MYO9B: variants seen among roughly 807,000 people sequenced by gnomAD.
The protein encoded by MYO9B is unconventional myosin-IXb.
Under a neutral mutation model 229.5 loss-of-function variants are expected in MYO9B, and 71 were observed. That is an observed-to-expected ratio of 0.31 (90% CI 0.26 to 0.38). The LOEUF is 0.38. Among genes scored for constraint, MYO9B ranks in the 10% least tolerant of loss-of-function variants. The pLI is 1.00. For missense variants in MYO9B, 2,255 were observed against 2,920.5 expected, an observed-to-expected ratio of 0.77 and a Z score of 5.25; for synonymous variants, 1,185 against 1,235.8, an observed-to-expected ratio of 0.96 and a Z score of 0.86.
intron 14 of MYO9B, among the ~76,000 whole-genome samples, chr19:17,180,341 ATTTTTTTTTTT>A (rs776734202): frequency 1.1e-5 from 1 of 87,984 alleles, no homozygotes; most frequent in East Asian, 3.2e-4. Context: ...GATGGAAATA[ATTTTTTTTTTT>A]TTTTTTTTTT....
chr19:17,180,392 A>G (rs1177489400), intron 14 of MYO9B, among the ~76,000 whole-genome samples: 1 of 109,464 alleles, frequency 9.1e-6, no homozygotes, highest in Non-Finnish European at 1.7e-5. Context: ...TCTGTCTCCC[A>G]GGCTGGAGTG....
Position 17,206,258 on chromosome 19 carries a change from A to G in MYO9B, c.5268A>G (p.Ala1756=), listed in dbSNP as rs772806348. 8 of 774,886 alleles carry G rather than the reference A, an allele frequency of 1.0e-5. No homozygotes were observed. The highest frequency in any genetic ancestry group is 1.5e-5 in the Non-Finnish European group (8 of 516,564). The allele number at this position is 774,886 out of a possible 1,614,324, so 48.0% of individuals were successfully genotyped here. The change falls in exon 33 of 40, where the codon GCA becomes GCG. Residue 1756 remains alanine, a synonymous_variant. Transcript: ENST00000682292. ...CCACCCACCCCACAGACCCCGCAGC[A>G]GTCAAGCTGGAGAACTTCCCCATCC... The part of the protein sequence containing the change: ...LRQALQTDPA[A]VKLENFPIHA...
chr19:17,172,936 CGGGCCGAGA>C lies in MYO9B; in HGVS notation c.2121_2129del (p.Arg708_Glu710del), dbSNP rs1316137415. The C allele has an allele frequency of 1.3e-6, 2 of 1,598,618 alleles. No homozygotes were observed. Among genetic ancestry groups the C allele is most frequent in the African/African-American group, 1.3e-5 (1 of 74,914 alleles). ...AGTGCTTCGGGAGGCCGGACGCCTG[CGGGCCGAGA>C]GGGCCGAAAAGGCTGCAGGTGGGAG... is the stretch of plus-strand genomic sequence containing the variant. On this transcript the variant is annotated inframe_deletion, in exon 13 of 40. Coordinates refer to ENST00000682292, the MANE Select transcript of MYO9B (RefSeq NM_004145.4). This position sits in a 1 kb window ranked among gnomAD's most constrained non-coding sequence, Gnocchi z 8.2.
intron 1 of MYO9B, among the ~76,000 whole-genome samples, chr19:17,099,796 T>G (rs1599321585): frequency 1.3e-4 from 13 of 98,350 alleles, no homozygotes; most frequent in African/African-American, 2.1e-4. Flanking sequence ...CCGGCCTGGG[T>G]GAAAAAGCGA....
chr19:17,154,388 T>C lies in MYO9B; in HGVS notation c.1172T>C (p.Val391Ala). Reference sequence around the variant, plus strand: ...AGGCTCAAGCAGGCCATGGAGATGGTGGGCTTCCTCCCCGCCACCAAGAAG... The same window carrying C: ...AGGCTCAAGCAGGCCATGGAGATGGCGGGCTTCCTCCCCGCCACCAAGAAG... ...FERLKQAMEMVGFLPATKKQI... is the reference protein window; with the variant it reads ...FERLKQAMEMAGFLPATKKQI... Residue 391 changes from valine to alanine, a missense_variant, in exon 6 of 40, where the codon GTG becomes GCG. By Grantham distance (64) the Val-to-Ala change is moderately conservative. Coordinates refer to ENST00000682292, the MANE Select transcript of MYO9B (RefSeq NM_004145.4). 6.2e-7 allele frequency: 1 copy of C among 1,612,550 alleles called. No individual in the cohort carries two copies. The highest frequency in any genetic ancestry group is 8.5e-7 in the Non-Finnish European group (1 of 1,178,914).
At chr19:17,194,473 G>T in intron 21 of MYO9B, 83 bp from the exon 22 acceptor site, 1 of 1,496,520 alleles carries the variant, frequency 6.7e-7, no homozygotes, top group Non-Finnish European at 9.1e-7. Flanking sequence ...GCAGCCCGCA[G>T]GCTGGGGGTC....
chr19:17,119,090 C>T (rs1008410899), intron 2 of MYO9B, among the ~76,000 whole-genome samples: 2 of 152,198 alleles, frequency 1.3e-5, no homozygotes, highest in Non-Finnish European at 2.9e-5. Flanking sequence ...GCAGGCTTGG[C>T]TGCCTGCATG....
At chr19:17,176,163 G>A (rs568555810) in intron 14 of MYO9B, among the ~76,000 whole-genome samples, 16 of 152,228 alleles carry the variant, frequency 1.1e-4, no homozygotes, top group African/African-American at 3.6e-4. Flanking sequence ...CGGAGTAGCT[G>A]GGACTACAGG....
At chr19:17,181,885 C>T (rs764175134) in intron 15 of MYO9B, among the ~76,000 whole-genome samples, 2 of 152,012 alleles carry the variant, frequency 1.3e-5, no homozygotes, top group African/African-American at 2.4e-5. Flanking sequence ...AAGCGATTCT[C>T]CCACCTCAGC....
At chr19:17,184,249 C>T (rs369961522) in intron 16 of MYO9B, among the ~76,000 whole-genome samples, 4 of 152,178 alleles carry the variant, frequency 2.6e-5, no homozygotes, top group African/African-American at 9.7e-5. Context: ...GTAATGGGAC[C>T]CTTCCGTTTA....
intron 1 of MYO9B, among the ~76,000 whole-genome samples, chr19:17,098,981 A>G (rs1012652940): frequency 1.1e-3 from 4 of 3,500 alleles, no homozygotes; most frequent in Middle Eastern, 0.25. Flanking sequence ...TCTCTTAGGA[A>G]AAAAAAAAAA....
intron 1 of MYO9B, among the ~76,000 whole-genome samples, chr19:17,088,762 C>A (rs374616933): frequency 1.3e-5 from 2 of 152,234 alleles, no homozygotes; most frequent in South Asian, 2.1e-4. Context: ...GCCATCACGG[C>A]TCACTGCAGC....
At chr19:17,162,323 G>T in intron 8 of MYO9B, 27 bp from the exon 9 acceptor site, 1 of 1,540,212 alleles carries the variant, frequency 6.5e-7, no homozygotes, top group Non-Finnish European at 8.8e-7. Flanking sequence ...CCGTGCCGGA[G>T]GTGAGTCACC....
intron 2 of MYO9B, among the ~76,000 whole-genome samples, chr19:17,145,049 G>A (rs1462887768): frequency 1.3e-5 from 2 of 151,756 alleles, no homozygotes; most frequent in African/African-American, 4.8e-5. Context: ...AGGCTGAGGC[G>A]GGCAGATTGC....
At chr19:17,171,269 C>T (rs1212003919) in intron 11 of MYO9B, among the ~76,000 whole-genome samples, 3 of 152,210 alleles carry the variant, frequency 2.0e-5, no homozygotes, top group African/African-American at 7.2e-5. Flanking sequence ...AAACCAACAA[C>T]ATCATTTCCC....
Position 17,089,880 on chromosome 19 carries a change from C to T in MYO9B, c.-58-11780C>T, listed in dbSNP as rs924683578. ...ACACCAGCTCTATCTGATTCCAGAA[C>T]ACTTTCATTCCCCAAAAGGAAACCC... On this transcript the variant is annotated intron_variant, in intron 1 of 39. Transcript: ENST00000682292. Among the ~76,000 whole-genome samples, 67 of 152,096 alleles carry T rather than the reference C, an allele frequency of 4.4e-4. 1 individual carries two copies. The highest frequency in any genetic ancestry group is 2.2e-4 in the Non-Finnish European group (15 of 68,028).
intron 21 of MYO9B, among the ~76,000 whole-genome samples, chr19:17,194,111 G>A (rs1019931547): frequency 1.1e-4 from 17 of 152,018 alleles, no homozygotes; most frequent in East Asian, 3.9e-4. Flanking sequence ...GGCAGAGGTC[G>A]CAGCAAGCCA....
chr19:17,171,605 G>A (rs918964490), intron 11 of MYO9B, among the ~76,000 whole-genome samples: 4 of 152,178 alleles, frequency 2.6e-5, no homozygotes, highest in Admixed American at 2.0e-4. Flanking sequence ...CAGCCATGTG[G>A]GGTCGAAGAG....
rs79301576 is a variant in MYO9B at position 17,153,384 on chromosome 19, TAAAAAA to T, written c.999-572_999-567del. The stretch of plus-strand genomic sequence containing the variant: ...GCCCGGCTAGAGTCCTTGTCTCTTT[TAAAAAA>T]AAAAAAAAAAGAAAGGCCTGGAGCA... On this transcript the variant is annotated intron_variant, in intron 4 of 39. Coordinates refer to ENST00000682292, the MANE Select transcript of MYO9B (RefSeq NM_004145.4). Among the ~76,000 whole-genome samples the T allele has an allele frequency of 4.3e-4, 59 of 136,076 alleles. 1 individual carries two copies. In the South Asian group the frequency reaches 0.01, roughly 23 times the overall value. 89.3% of individuals were successfully genotyped at this position (136,076 alleles called of 152,430 possible). A position where few individuals can be genotyped will look rare whatever the true frequency, so the allele number is the denominator to read the frequency against.
Sources: gnomAD v4.1 joint callset for allele counts (sites outside exome capture counted in the v4.1 genomes callset) on GRCh38, gnomAD v4.1.1 for gene constraint, Gnocchi (gnomAD v3.1) non-coding constraint, MANE v1.5 for transcripts, NCBI Gene and HGNC (gene_info 2026-07-23, HGNC 2026-07-21) for gene names.